STXBP5: variants seen among roughly 807,000 people sequenced by gnomAD.
The protein encoded by STXBP5 is syntaxin-binding protein 5.
A neutral mutation model predicts 152.4 loss-of-function variants in STXBP5; 50 were observed. The observed-to-expected ratio is 0.33, with a 90% CI of 0.26 to 0.42. The LOEUF (loss-of-function observed/expected upper bound fraction) is 0.42. Ranked by LOEUF, STXBP5 falls within the 10% of genes least tolerant of loss-of-function variation. The pLI is 1.00. For missense variants in STXBP5, 1,167 were observed against 1,388.6 expected (o/e 0.84, Z 2.54); for synonymous variants, 492 against 494.7 (o/e 0.99, Z 0.07).
intron 4 of STXBP5, 92 bp from the exon 5 acceptor site, chr6:147,260,522 TC>T (rs1327781985): frequency 7.0e-7 from 1 of 1,432,822 alleles, no homozygotes; most frequent in Non-Finnish European, 9.7e-7. Context: ...GTTTTGCTGT[TC>T]CTGAATTATA....
chr6:147,236,477 A>T (rs1778273695), intron 3 of STXBP5, among the ~76,000 whole-genome samples: 1 of 152,180 alleles, frequency 6.6e-6, no homozygotes, highest in Non-Finnish European at 1.5e-5. Flanking sequence ...TTCTCCCAAT[A>T]GTTACATTTT....
At chr6:147,254,391 T>C (rs532307098) in intron 4 of STXBP5, among the ~76,000 whole-genome samples, 1 of 152,292 alleles carries the variant, frequency 6.6e-6, no homozygotes, top group East Asian at 1.9e-4. Context: ...GGGCAAAGAC[T>C]TCGTGACTAT....
At chr6:147,384,678 T>A in intron 27 of STXBP5, 36 bp from the exon 28 acceptor site, 1 of 1,592,308 alleles carries the variant, frequency 6.3e-7, no homozygotes, top group Non-Finnish European at 8.6e-7. Context: ...GTTCCGGCAT[T>A]TTAAAAGCAT....
intron 16 of STXBP5, among the ~76,000 whole-genome samples, chr6:147,318,394 C>G (rs1782749102): frequency 6.6e-6 from 1 of 152,100 alleles, no homozygotes; most frequent in Non-Finnish European, 1.5e-5. Flanking sequence ...GTTAAGGCAG[C>G]AACCAGCAGC....
chr6:147,206,136 T>C (rs1284833002), intron 2 of STXBP5, 68 bp downstream of exon 2: 4 of 1,385,802 alleles, frequency 2.9e-6, no homozygotes, highest in South Asian at 1.2e-5. Flanking sequence ...TGTTGCTGAT[T>C]AGTTCCAAAG....
chr6:147,253,557 C>T (rs899468172), intron 4 of STXBP5, among the ~76,000 whole-genome samples: 1 of 152,132 alleles, frequency 6.6e-6, no homozygotes, highest in Non-Finnish European at 1.5e-5. Flanking sequence ...AAAACCCCAT[C>T]GTCTCAGCCC....
At chr6:147,296,954 C>T (rs1344928350) in intron 9 of STXBP5, among the ~76,000 whole-genome samples, 1 of 152,012 alleles carries the variant, frequency 6.6e-6, no homozygotes, top group Non-Finnish European at 1.5e-5. Context: ...ATGAAGCAAA[C>T]CTATGGAACT....
chr6:147,361,944 A>G (rs570247712), intron 23 of STXBP5, among the ~76,000 whole-genome samples: 2 of 152,346 alleles, frequency 1.3e-5, no homozygotes, highest in Admixed American at 1.3e-4. Flanking sequence ...AGCTGCTTAA[A>G]ATAGTGAAAT....
intron 22 of STXBP5, 94 bp from the exon 23 acceptor site, chr6:147,358,990 C>A (rs1003996411): frequency 2.1e-6 from 3 of 1,407,090 alleles, no homozygotes; most frequent in Admixed American, 4.5e-5. Flanking sequence ...TGTCTTCTTG[C>A]AGATTAACTA....
rs1783173520 is a variant in STXBP5 at position 147,325,059 on chromosome 6, C to T, written c.1903C>T (p.Leu635=). 3 of 1,571,604 alleles carry T rather than the reference C, an allele frequency of 1.9e-6. No individual in the cohort carries two copies. Among genetic ancestry groups the T allele is most frequent in the Non-Finnish European group, 2.6e-6 (3 of 1,155,868 alleles). The part of the protein sequence containing the change: ...GGEPPQQITS[L]AVNSSYGLVV... ...AGAACCACCACAACAAATAACCAGC[C>T]TGGCAGTCAATTCTTCCTATGGACT... is the stretch of plus-strand genomic sequence containing the variant. The change falls in exon 17 of 28, where the codon CTG becomes TTG. Residue 635 remains leucine, a synonymous_variant. Transcript: ENST00000321680.
At chr6:147,345,320 T>C (rs945243553) in intron 21 of STXBP5, among the ~76,000 whole-genome samples, 1 of 152,158 alleles carries the variant, frequency 6.6e-6, no homozygotes, top group African/African-American at 2.4e-5. Flanking sequence ...GCATGGGAGA[T>C]AGACATTGGT....
intron 9 of STXBP5, among the ~76,000 whole-genome samples, chr6:147,303,251 G>A (rs2128363625): frequency 6.6e-6 from 1 of 152,244 alleles, no homozygotes; most frequent in Non-Finnish European, 1.5e-5. Flanking sequence ...TTGGTGGGAG[G>A]TAATTGAATC....
intron 2 of STXBP5, among the ~76,000 whole-genome samples, chr6:147,214,006 A>T (rs1359971532): frequency 6.6e-6 from 1 of 152,176 alleles, no homozygotes; most frequent in Non-Finnish European, 1.5e-5. Context: ...ATAATAATAA[A>T]AAACTGCCAA....
chr6:147,331,455 G>A (rs1783564425), intron 18 of STXBP5, among the ~76,000 whole-genome samples: 2 of 152,118 alleles, frequency 1.3e-5, no homozygotes, highest in African/African-American at 2.4e-5. Flanking sequence ...CTTTTTATAA[G>A]TTTGTGATAC....
At chr6:147,351,982 CA>C (rs1784607058) in intron 21 of STXBP5, 2 of 720,562 alleles carry the variant, frequency 2.8e-6, no homozygotes, top group Non-Finnish European at 3.4e-6. Flanking sequence ...GAAAATTTCA[CA>C]TAGGAAGCAC....
At chr6:147,374,543 G>A (rs1263387095) in intron 26 of STXBP5, among the ~76,000 whole-genome samples, 2 of 152,050 alleles carry the variant, frequency 1.3e-5, no homozygotes, top group Non-Finnish European at 2.9e-5. Context: ...CAAGTCAGTG[G>A]GGACTGATAA....
At chr6:147,359,372 A>G (rs1282509405) in intron 23 of STXBP5, 49 bp downstream of exon 23, 2 of 1,566,782 alleles carry the variant, frequency 1.3e-6, no homozygotes, top group Non-Finnish European at 1.7e-6. Context: ...GTGATTTACT[A>G]TGATAGAAGC....
intron 2 of STXBP5, among the ~76,000 whole-genome samples, chr6:147,206,734 ATTAC>A (rs1383053179): frequency 4.6e-5 from 7 of 152,260 alleles, no homozygotes; most frequent in Middle Eastern, 3.4e-3. Flanking sequence ...GTAGTATAGA[ATTAC>A]TTTTCCTGGT....
chr6:147,251,656 G>A (rs1779103253), intron 4 of STXBP5, among the ~76,000 whole-genome samples: 1 of 152,220 alleles, frequency 6.6e-6, no homozygotes, highest in Non-Finnish European at 1.5e-5. Context: ...GGCAGCTGTG[G>A]GCGCAGCTTC....
Sources: gnomAD v4.1 joint callset for allele counts (sites outside exome capture counted in the v4.1 genomes callset) on GRCh38, gnomAD v4.1.1 for gene constraint, MANE v1.5 for transcripts, NCBI Gene and HGNC (gene_info 2026-07-23, HGNC 2026-07-21) for gene names.